The following N4BP2 variants were observed in gnomAD, a reference collection of about 807,000 sequenced individuals.
N4BP2 encodes NEDD4-binding protein 2.
Under a neutral mutation model 152.8 loss-of-function variants are expected in N4BP2, and 91 were observed. That is an observed-to-expected ratio of 0.60 (90% CI 0.50 to 0.71). The LOEUF (loss-of-function observed/expected upper bound fraction) is 0.71. N4BP2 is among the 30% of genes least tolerant of loss of function. N4BP2 has a pLI of 0.00. For missense variants in N4BP2, 1,923 were observed against 2,059.1 expected, an observed-to-expected ratio of 0.93 and a Z score of 1.28; for synonymous variants, 646 against 705.3, an observed-to-expected ratio of 0.92 and a Z score of 1.33.
intron 1 of N4BP2, among the ~76,000 whole-genome samples, chr4:40,059,395 T>C (rs1024220970): frequency 2.0e-5 from 3 of 151,750 alleles, no homozygotes; most frequent in Non-Finnish European, 4.4e-5. Flanking sequence ...TATGTATGTA[T>C]GTATGTATGT....
intron 2 of N4BP2, among the ~76,000 whole-genome samples, chr4:40,074,046 C>T (rs1389602497): frequency 6.6e-6 from 1 of 152,130 alleles, no homozygotes; most frequent in Non-Finnish European, 1.5e-5. Context: ...CCCGCCTCAG[C>T]CTCCCAAAGT....
In N4BP2 at chr4:40,120,369, G is replaced by A. The variant is rs1229075544; in HGVS notation, c.2258G>A (p.Gly753Asp). The change falls in exon 9 of 18, where the codon GGT (glycine) becomes GAT (aspartate). Residue 753 changes from glycine (G) to aspartate (D), a missense_variant. Physicochemically the swap from Gly to Asp is moderately conservative, Grantham distance 94. Transcript: ENST00000261435. The stretch of plus-strand genomic sequence containing the variant: ...CTTCAAAATGAAAAATCCTCACCTG[G>A]TGAAATAGTGGAAGAAAGAGCAACA... The part of the protein sequence containing the change: ...GPLQNEKSSP[G>D]EIVEERATVT... The A allele has an allele frequency of 6.2e-7, 1 of 1,613,330 alleles. No individual in the cohort carries two copies. The highest frequency in any genetic ancestry group is 2.2e-5 in the East Asian group (1 of 44,882).
rs1036180476 is a variant in N4BP2 at position 40,122,920 on chromosome 4, T to C, written c.4199-207T>C. Among the ~76,000 whole-genome samples, 5 of 152,358 alleles carry C rather than the reference T, an allele frequency of 3.3e-5. No individual in the cohort carries two copies. In the South Asian group the frequency reaches 1.0e-3, roughly 32 times the overall value. ...ATAACTTAGATTTACTGTGAAGCTT[T>C]GTATAACTGCAGTAGTCAAGAAGTG... On this transcript the variant is annotated intron_variant, in intron 9 of 17. Transcript: ENST00000261435.
At chr4:40,161,905 C>T (rs1317208461), downstream of N4BP2, among the ~76,000 whole-genome samples, 2 of 152,106 alleles carry the variant, frequency 1.3e-5, no homozygotes, top group African/African-American at 2.4e-5. Flanking sequence ...CTACGTCTGC[C>T]GTAATTTAAA....
chr4:40,074,585 A>G (rs1185916092), intron 2 of N4BP2, among the ~76,000 whole-genome samples: 1 of 152,206 alleles, frequency 6.6e-6, no homozygotes, highest in Non-Finnish European at 1.5e-5. Context: ...ATATAATCAC[A>G]GATTTTGTTA....
At chr4:40,133,722 T>C (rs1719108001) in intron 13 of N4BP2, among the ~76,000 whole-genome samples, 2 of 152,348 alleles carry the variant, frequency 1.3e-5, no homozygotes, top group Non-Finnish European at 1.5e-5. Flanking sequence ...TATATACAGA[T>C]ATTCCAAAAT....
At chr4:40,103,250 G>A (rs992035908) in intron 4 of N4BP2, 32 bp downstream of exon 4, 1 of 1,540,892 alleles carries the variant, frequency 6.5e-7, no homozygotes, top group African/African-American at 1.4e-5. Context: ...TTAAAAAATA[G>A]TATAATGTCT....
intron 5 of N4BP2, among the ~76,000 whole-genome samples, chr4:40,109,138 C>T (rs1352964838): frequency 6.6e-6 from 1 of 152,054 alleles, no homozygotes; most frequent in Non-Finnish European, 1.5e-5. Context: ...GATAAGTGTA[C>T]TGTAAAGGTG....
At chr4:40,149,105 CCTAA>C (rs1283845292) in intron 16 of N4BP2, among the ~76,000 whole-genome samples, 2 of 152,116 alleles carry the variant, frequency 1.3e-5, no homozygotes, top group African/African-American at 4.8e-5. Flanking sequence ...TAATTCTGCC[CCTAA>C]CTATGTACCC....
rs758319053 is a variant in N4BP2 at position 40,121,427 on chromosome 4, G to A, written c.3316G>A (p.Ala1106Thr). ...CKLFGSFSLE[A>T]LKDLYERCNK... ...ACTGTTTGGATCCTTTTCATTAGAA[G>A]CCCTGAAAGACTTATATGAGAGGTG... Residue 1106 changes from alanine to threonine, a missense_variant, in exon 9 of 18, where the codon GCC (alanine) becomes ACC (threonine). Ala to Thr is a moderately conservative substitution (Grantham distance 58). Coordinates refer to ENST00000261435, the MANE Select transcript of N4BP2 (RefSeq NM_018177.6). The A allele has an allele frequency of 2.5e-6, 4 of 1,611,866 alleles. No homozygotes were observed. The highest frequency in any genetic ancestry group is 1.1e-5 in the South Asian group (1 of 90,828).
intron 1 of N4BP2, among the ~76,000 whole-genome samples, chr4:40,071,479 T>C (rs1236181381): frequency 6.6e-6 from 1 of 152,252 alleles, no homozygotes; most frequent in Non-Finnish European, 1.5e-5. Flanking sequence ...GGTGAGAACC[T>C]GATCATTTCA....
At chr4:40,095,335 C>A (rs1350761837) in intron 2 of N4BP2, among the ~76,000 whole-genome samples, 2 of 152,180 alleles carry the variant, frequency 1.3e-5, no homozygotes, top group Non-Finnish European at 2.9e-5. Context: ...CCCACCTTGG[C>A]CTCCCAAAGT....
chr4:40,094,076 C>T (rs907624431), intron 2 of N4BP2, among the ~76,000 whole-genome samples: 1 of 152,126 alleles, frequency 6.6e-6, no homozygotes, highest in Admixed American at 6.5e-5. Context: ...TTTTCATTGG[C>T]ATTCAATTTA....
chr4:40,179,759 CTTTTTT>C, the N4BP2 span, among the ~76,000 whole-genome samples: 2 of 109,132 alleles, frequency 1.8e-5, no homozygotes, highest in Non-Finnish European at 3.7e-5. Flanking sequence ...TAAAGCCTTT[CTTTTTT>C]TTTTTTTTTT....
intron 13 of N4BP2, among the ~76,000 whole-genome samples, chr4:40,132,508 T>C (rs1190683691): frequency 6.6e-6 from 1 of 152,186 alleles, no homozygotes; most frequent in Non-Finnish European, 1.5e-5. Context: ...TGCCCACTTA[T>C]ATAAAACATA....
At position 40,126,268 on chromosome 4, in the gene N4BP2, A is replaced by G. The variant is rs1321525293; in HGVS notation, c.4465A>G (p.Lys1489Glu). 2.5e-6 allele frequency: 4 copies of G among 1,594,958 alleles called. No homozygotes were observed. Among genetic ancestry groups the G allele is most frequent in the Non-Finnish European group, 3.4e-6 (4 of 1,170,570 alleles). ...PLLDHWNTQT[K>E]KVSLREIMSE... ...ATTGGATCATTGGAATACTCAAACT[A>G]AAAAAGTATCACTCAGAGAAATAAT... Residue 1489 changes from lysine (K) to glutamate (E), a missense_variant, in exon 12 of 18, where the codon AAA becomes GAA. Transcript: ENST00000261435.
At chr4:40,070,502 A>G (rs142493174) in intron 1 of N4BP2, among the ~76,000 whole-genome samples, 2 of 152,104 alleles carry the variant, frequency 1.3e-5, no homozygotes, top group African/African-American at 4.8e-5. Flanking sequence ...AGACTAGAGT[A>G]CAGCAGCACA....
the N4BP2 span, among the ~76,000 whole-genome samples, chr4:40,181,219 G>A: frequency 1.2e-4 from 19 of 152,136 alleles, no homozygotes; most frequent in South Asian, 1.5e-3. Flanking sequence ...ATAGTCATTG[G>A]TGGCTCTAGC....
At chr4:40,183,206 C>T in the N4BP2 span, among the ~76,000 whole-genome samples, 7 of 152,152 alleles carry the variant, frequency 4.6e-5, no homozygotes, top group East Asian at 1.3e-3. Context: ...TATGTGGTCA[C>T]ATGATCTTCC....
Sources: gnomAD v4.1 joint callset for allele counts (sites outside exome capture counted in the v4.1 genomes callset) on GRCh38, gnomAD v4.1.1 for gene constraint, MANE v1.5 for transcripts, NCBI Gene and HGNC (gene_info 2026-07-23, HGNC 2026-07-21) for gene names.